The following LTBP1 variants were observed in gnomAD, a reference collection of about 807,000 sequenced individuals.
The protein encoded by LTBP1 is latent transforming growth factor beta binding protein 1, also known as latent-transforming growth factor beta-binding protein 1.
Under a neutral mutation model 207.6 loss-of-function variants are expected in LTBP1, and 129 were observed. The ratio of observed to expected loss-of-function variants is 0.62; its 90% CI spans 0.54 to 0.72. The LOEUF is 0.72. Ranked by LOEUF, LTBP1 falls within the 30% of genes least tolerant of loss-of-function variation. The pLI is 0.00. For missense variants in LTBP1, 2,281 were observed against 2,217.2 expected (o/e 1.03, Z -0.58); for synonymous variants, 963 against 833.7 (o/e 1.16, Z -2.67).
At chr2:33,281,093 C>G (rs1467026660) in intron 19 of LTBP1, among the ~76,000 whole-genome samples, 4 of 152,086 alleles carry the variant, frequency 2.6e-5, no homozygotes, top group Non-Finnish European at 5.9e-5. Flanking sequence ...AAAGGCAAAA[C>G]TTACTGTATA....
At chr2:33,163,576 A>G (rs151094725) in intron 5 of LTBP1, among the ~76,000 whole-genome samples, 108 of 152,336 alleles carry the variant, frequency 7.1e-4, no homozygotes, top group Middle Eastern at 6.8e-3. Context: ...ATGATAGCAG[A>G]GTAGAGTGAC....
intron 5 of LTBP1, among the ~76,000 whole-genome samples, chr2:33,151,276 A>G (rs991245788): frequency 6.6e-6 from 1 of 152,102 alleles, no homozygotes; most frequent in Admixed American, 6.5e-5. Context: ...TAGAAGTGGA[A>G]TTTCTGGGTC....
At chr2:33,393,734 T>C (rs932444294) in intron 32 of LTBP1, among the ~76,000 whole-genome samples, 4 of 152,202 alleles carry the variant, frequency 2.6e-5, no homozygotes, top group African/African-American at 9.6e-5. Context: ...CTATTGTGAA[T>C]AGTGCCACAG....
intron 3 of LTBP1, among the ~76,000 whole-genome samples, chr2:33,078,862 C>CTTTTCTTTTT (rs1367646259): frequency 9.4e-6 from 1 of 106,888 alleles, no homozygotes; most frequent in South Asian, 3.6e-4. Flanking sequence ...CTTTTCTTTT[C>CTTTTCTTTTT]TTTTTTTTTT....
At chr2:33,031,531 T>C (rs926741683) in intron 3 of LTBP1, among the ~76,000 whole-genome samples, 1 of 152,296 alleles carries the variant, frequency 6.6e-6, no homozygotes, top group East Asian at 1.9e-4. Flanking sequence ...CCTAATAAGC[T>C]GCTAAACTAT....
At chr2:33,141,590 A>G (rs1440594043) in intron 5 of LTBP1, among the ~76,000 whole-genome samples, 1 of 152,122 alleles carries the variant, frequency 6.6e-6, no homozygotes, top group South Asian at 2.1e-4. Flanking sequence ...GAGAAGGGGG[A>G]TGGAGAATGG....
At chr2:33,178,484 C>T (rs534568568) in intron 5 of LTBP1, among the ~76,000 whole-genome samples, 1 of 152,218 alleles carries the variant, frequency 6.6e-6, no homozygotes, top group South Asian at 2.1e-4. Context: ...ATAAACAGAA[C>T]ATGTTATTGA....
intron 3 of LTBP1, among the ~76,000 whole-genome samples, chr2:33,085,345 A>G (rs2078688613): frequency 6.6e-6 from 1 of 152,224 alleles, no homozygotes; most frequent in Non-Finnish European, 1.5e-5. Flanking sequence ...ACTCTGATCT[A>G]ATGAACATTT....
chr2:33,340,480 G>A (rs1248390261), intron 24 of LTBP1, among the ~76,000 whole-genome samples: 1 of 152,172 alleles, frequency 6.6e-6, no homozygotes, highest in Non-Finnish European at 1.5e-5. Context: ...GGCAGAACAA[G>A]AAGAATATTC....
intron 7 of LTBP1, among the ~76,000 whole-genome samples, chr2:33,197,164 A>G (rs1361256126): frequency 6.6e-6 from 1 of 152,252 alleles, no homozygotes; most frequent in Admixed American, 6.5e-5. Context: ...TATAGGCATC[A>G]CTAAATCTCC....
intron 7 of LTBP1, among the ~76,000 whole-genome samples, chr2:33,215,716 G>GTTTTTTTT (rs1287189048): frequency 3.6e-5 from 5 of 139,050 alleles, no homozygotes; most frequent in African/African-American, 8.1e-5. Context: ...GTTTTCTTTT[G>GTTTTTTTT]TTTTTTGTTT....
Position 33,392,071 on chromosome 2 carries a change from G to A in LTBP1, c.4834+2765G>A, listed in dbSNP as rs73929415. On this transcript the variant is annotated intron_variant, in intron 32 of 33. Coordinates refer to ENST00000404816, the MANE Select transcript of LTBP1 (RefSeq NM_206943.4). ...CGGAGGCTGAGTGAGGTTTCTTATC[G>A]CCTTTATGGTTCACCATCTCTGTTA... Among the ~76,000 whole-genome samples the A allele has an allele frequency of 2.3e-3, 349 of 152,280 alleles. 1 individual carries two copies. Among genetic ancestry groups the A allele is most frequent in the African/African-American group, 7.7e-3 (321 of 41,562 alleles).
chr2:33,113,224 T>C (rs1400092899), intron 4 of LTBP1, among the ~76,000 whole-genome samples: 1 of 152,214 alleles, frequency 6.6e-6, no homozygotes, highest in Non-Finnish European at 1.5e-5. Context: ...TTGGTATGTT[T>C]AATATTGATA....
intron 16 of LTBP1, 81 bp from the exon 17 acceptor site, chr2:33,274,884 G>A (rs2093394937): frequency 7.1e-7 from 1 of 1,398,834 alleles, no homozygotes; most frequent in Admixed American, 1.7e-5. Context: ...CCAGGGAATA[G>A]TATGATGGTA....
rs541085508 is a variant in LTBP1, at chr2:33,070,876, G to A, written c.864-39706G>A. 2.0e-5 allele frequency among the ~76,000 whole-genome samples: 3 copies of A among 152,290 alleles called. No homozygotes were observed. In the South Asian group the frequency reaches 6.2e-4, roughly 32 times the overall value. On this transcript the variant is annotated intron_variant, in intron 3 of 33. Transcript: ENST00000404816. ...GGGTCAAAACTCCACGTTGGCCACGGGCTATGAGATCTTGGCCCAGTCAGT... is the reference window on the plus strand; with the variant it reads ...GGGTCAAAACTCCACGTTGGCCACGAGCTATGAGATCTTGGCCCAGTCAGT...
chr2:32,959,886 AC>A (rs1046459077), intron 2 of LTBP1, among the ~76,000 whole-genome samples: 1 of 151,704 alleles, frequency 6.6e-6, no homozygotes, highest in African/African-American at 2.4e-5. Flanking sequence ...CTCCCAGAGT[AC>A]TGGGATTACA....
intron 2 of LTBP1, among the ~76,000 whole-genome samples, chr2:32,993,817 C>T (rs970656450): frequency 6.6e-6 from 1 of 152,188 alleles, no homozygotes; most frequent in South Asian, 2.1e-4. Context: ...TTGGAACCAG[C>T]TCAGGGTCAC....
At chr2:33,044,170 A>G (rs1192246879) in intron 3 of LTBP1, among the ~76,000 whole-genome samples, 2 of 152,042 alleles carry the variant, frequency 1.3e-5, no homozygotes, top group East Asian at 3.9e-4. Context: ...ATACATGTGC[A>G]GAACATGGCA....
chr2:33,130,366 C>T (rs761700453), intron 4 of LTBP1, among the ~76,000 whole-genome samples: 6 of 152,088 alleles, frequency 3.9e-5, no homozygotes, highest in Admixed American at 1.3e-4. Context: ...TGTGCTGTTG[C>T]GGCATTCTGG....
Sources: allele counts gnomAD v4.1 joint callset (sites outside exome capture counted in the v4.1 genomes callset), GRCh38; gene constraint gnomAD v4.1.1; transcripts MANE v1.5; gene names NCBI Gene and HGNC (gene_info 2026-07-23, HGNC 2026-07-21).